Variants in DDX10 observed in about 807,000 individuals in gnomAD.
DDX10 encodes probable ATP-dependent RNA helicase DDX10.
In DDX10, 74 loss-of-function variants were observed where a neutral mutation model predicts 104.3. The ratio of observed to expected loss-of-function variants is 0.71; its 90% CI spans 0.59 to 0.86. The LOEUF is 0.86. DDX10 is among the 40% of genes least tolerant of loss of function. The pLI, the probability that DDX10 is intolerant of heterozygous loss-of-function variation, is 0.00. For missense variants in DDX10, 952 were observed against 1,040.0 expected, an observed-to-expected ratio of 0.92 and a Z score of 1.16; for synonymous variants, 351 against 353.4, an observed-to-expected ratio of 0.99 and a Z score of 0.08.
chr11:108,777,720 A>C (rs560701637), intron 13 of DDX10, among the ~76,000 whole-genome samples: 78 of 152,350 alleles, frequency 5.1e-4, no homozygotes, highest in African/African-American at 1.7e-3. Context: ...AAAGAAATAA[A>C]GGGTATTCAG....
intron 9 of DDX10, 148 bp from the exon 10 acceptor site, chr11:108,706,591 T>C (rs1203297755): frequency 3.0e-6 from 2 of 673,772 alleles, no homozygotes; most frequent in Non-Finnish European, 2.6e-6. Flanking sequence ...TTCAGAGCCC[T>C]AGTTTTCTGT....
chr11:108,794,670 T>G (rs947314360), intron 13 of DDX10, among the ~76,000 whole-genome samples: 2 of 152,176 alleles, frequency 1.3e-5, no homozygotes, highest in Non-Finnish European at 2.9e-5. Flanking sequence ...TAATGGTGTT[T>G]ATTGGTTTTT....
At chr11:108,778,288 A>C (rs1051551228) in intron 13 of DDX10, among the ~76,000 whole-genome samples, 1 of 152,228 alleles carries the variant, frequency 6.6e-6, no homozygotes, top group African/African-American at 2.4e-5. Context: ...ACCTGACTTC[A>C]AACTATACTA....
chr11:108,669,934 A>G (rs1199650963), intron 1 of DDX10, among the ~76,000 whole-genome samples: 1 of 152,238 alleles, frequency 6.6e-6, no homozygotes, highest in Non-Finnish European at 1.5e-5. Flanking sequence ...TCATCAGAAA[A>G]TAACGCAGCC....
At chr11:108,725,882 G>A (rs886955519) in intron 13 of DDX10, among the ~76,000 whole-genome samples, 3 of 151,858 alleles carry the variant, frequency 2.0e-5, no homozygotes, top group African/African-American at 4.8e-5. Context: ...TTTCTCCTAT[G>A]TTCTCGTCCA....
chr11:108,932,095 A>G (rs1446485608), intron 17 of DDX10, among the ~76,000 whole-genome samples: 1 of 151,920 alleles, frequency 6.6e-6, no homozygotes, highest in Non-Finnish European at 1.5e-5. Flanking sequence ...ATCATTTTAC[A>G]CTTTGAGGGA....
At chr11:108,665,420 A>C in intron 1 of DDX10, 81 bp downstream of exon 1, 1 of 1,438,538 alleles carries the variant, frequency 7.0e-7, no homozygotes, top group Non-Finnish European at 9.2e-7. Context: ...TGCAGAGTGG[A>C]GGCGGCGGAT....
chr11:108,814,727 ATTAAG>A (rs1298546707), intron 13 of DDX10, among the ~76,000 whole-genome samples: 1 of 152,228 alleles, frequency 6.6e-6, no homozygotes, highest in African/African-American at 2.4e-5. Context: ...ATCCTTCGTA[ATTAAG>A]TTAATGATCA....
chr11:108,909,608 T>A (rs1271162595), intron 16 of DDX10, among the ~76,000 whole-genome samples: 1 of 152,204 alleles, frequency 6.6e-6, no homozygotes, highest in Non-Finnish European at 1.5e-5. Context: ...TAGAGAATTA[T>A]GGAACCTGAG....
intron 13 of DDX10, among the ~76,000 whole-genome samples, chr11:108,741,030 A>T (rs1216161218): frequency 6.6e-6 from 1 of 152,194 alleles, no homozygotes; most frequent in African/African-American, 2.4e-5. Context: ...ATGGCTAGCC[A>T]GTTATCTCAG....
chr11:108,834,043 C>T (rs1862512335), intron 13 of DDX10, among the ~76,000 whole-genome samples: 1 of 152,020 alleles, frequency 6.6e-6, no homozygotes, highest in South Asian at 2.1e-4. Context: ...GTAGTCTTGA[C>T]CTCCTGGGCT....
At chr11:108,844,393 A>G (rs1391750317) in intron 15 of DDX10, among the ~76,000 whole-genome samples, 4 of 152,200 alleles carry the variant, frequency 2.6e-5, no homozygotes, top group Non-Finnish European at 2.9e-5. Context: ...TGTATTAGAG[A>G]AAACTTTGCA....
Position 108,940,479 on chromosome 11 carries a change from AAGTTGAAAAAC to A in DDX10, c.*63_*73del. 6 of 1,575,872 alleles carry A rather than the reference AAGTTGAAAAAC, an allele frequency of 3.8e-6. No individual in the cohort carries two copies. Among genetic ancestry groups the A allele is most frequent in the African/African-American group, 2.7e-5 (2 of 73,734 alleles). On this transcript the variant is annotated 3_prime_UTR_variant, in exon 18 of 18. Transcript: ENST00000322536. ...CCTTGGTTATGACTGCGTAGGCAAG[AAGTTGAAAAAC>A]AGTTGATTTGGGGGCACTTAGGTAC...
chr11:108,700,966 A>G (rs2134456594), intron 9 of DDX10, among the ~76,000 whole-genome samples: 1 of 152,070 alleles, frequency 6.6e-6, no homozygotes, highest in South Asian at 2.1e-4. Context: ...AGTCAGTGCT[A>G]GAAGCTTTCC....
intron 9 of DDX10, among the ~76,000 whole-genome samples, chr11:108,701,834 C>T (rs2094268683): frequency 6.6e-6 from 1 of 151,782 alleles, no homozygotes; most frequent in East Asian, 1.9e-4. Flanking sequence ...CTACAGGGTG[C>T]GCCACCATAC....
intron 16 of DDX10, among the ~76,000 whole-genome samples, chr11:108,889,689 A>G (rs1390916870): frequency 1.3e-5 from 2 of 152,212 alleles, no homozygotes; most frequent in Non-Finnish European, 2.9e-5. Context: ...TAGAATAGCC[A>G]TTTACCTGTG....
At chr11:108,858,444 G>A (rs1363327757) in intron 16 of DDX10, among the ~76,000 whole-genome samples, 1 of 152,180 alleles carries the variant, frequency 6.6e-6, no homozygotes, top group Admixed American at 6.5e-5. Context: ...CACTTTACAT[G>A]TTAATGCTAT....
rs2094300199 is a variant in DDX10 at position 108,722,985 on chromosome 11, T to A, written c.1500-12T>A. 1.3e-6 allele frequency: 2 copies of A among 1,583,006 alleles called. No homozygotes were observed. Among genetic ancestry groups the A allele is most frequent in the East Asian group, 4.5e-5 (2 of 44,678 alleles). On this transcript the variant is annotated splice_polypyrimidine_tract_variant and intron_variant, in intron 12 of 17. Transcript: ENST00000322536. ...GTTGAGATGACTGTTTTCACGTTTT[T>A]CCATATTTAAGGTCTCTTGGTCTTG...
At chr11:108,875,851 A>G (rs1242014579) in intron 16 of DDX10, among the ~76,000 whole-genome samples, 1 of 152,176 alleles carries the variant, frequency 6.6e-6, no homozygotes, top group African/African-American at 2.4e-5. Context: ...GAAAGGCCAA[A>G]TAATGAAACT....
Sources: gnomAD v4.1 joint callset for allele counts (sites outside exome capture counted in the v4.1 genomes callset) on GRCh38, gnomAD v4.1.1 for gene constraint, MANE v1.5 for transcripts, NCBI Gene and HGNC (gene_info 2026-07-23, HGNC 2026-07-21) for gene names.